Variants in HAS3 observed in about 807,000 individuals in gnomAD.
HAS3 encodes the protein HA synthase 3.
Under a neutral mutation model 50.3 loss-of-function variants are expected in HAS3, and 27 were observed. The ratio of observed to expected loss-of-function variants is 0.54; its 90% CI spans 0.40 to 0.74. The LOEUF (loss-of-function observed/expected upper bound fraction) is 0.74, where lower values mean the gene tolerates loss of function less well. Among genes scored for constraint, HAS3 ranks in the 30% least tolerant of loss-of-function variants. The probability of loss-of-function intolerance (pLI) is 0.00; values close to 1 mark genes in which losing one functional copy is unlikely to be tolerated. For missense variants in HAS3, 517 were observed against 742.8 expected (o/e 0.70, Z 3.53); for synonymous variants, 339 against 310.9 (o/e 1.09, Z -0.95).
the HAS3 span, among the ~76,000 whole-genome samples, chr16:69,088,582 C>CAAGAA: frequency 6.9e-6 from 1 of 144,178 alleles, no homozygotes; most frequent in Non-Finnish European, 1.5e-5. Context: ...AAAGAAAAGA[C>CAAGAA]AAGAAAAAAA....
At chr16:69,111,635 G>A (rs1285090069) in intron 2 of HAS3, among the ~76,000 whole-genome samples, 1 of 152,204 alleles carries the variant, frequency 6.6e-6, no homozygotes, top group African/African-American at 2.4e-5. Context: ...CTCTGCATGA[G>A]GGTTGATATG....
At chr16:69,097,891 C>T in the HAS3 span, among the ~76,000 whole-genome samples, 2 of 152,134 alleles carry the variant, frequency 1.3e-5, no homozygotes, top group Admixed American at 6.5e-5. Context: ...CTGCAGACTC[C>T]GCCTTTCCCT....
chr16:69,109,564 C>G lies in HAS3; in HGVS notation c.169C>G (p.Leu57Val). The change falls in exon 2 of 4, where the codon CTC (leucine) becomes GTC (valine). Residue 57 changes from leucine to valine, a missense_variant. Coordinates refer to ENST00000569188, the MANE Select transcript of HAS3 (RefSeq NM_001199280.2). The surrounding 1 kb of genome is among the most constrained non-coding windows in gnomAD (Gnocchi z 5.3). ...CGGCGCCATCCTGGGCCTGCACCTG[C>G]TCATTCAGAGCCTTTTTGCCTTCCT... ...LYGAILGLHL[L>V]IQSLFAFLEH... The G allele has an allele frequency of 6.2e-7, 1 of 1,613,796 alleles. No homozygotes were observed. The highest frequency in any genetic ancestry group is 8.5e-7 in the Non-Finnish European group (1 of 1,180,032).
At position 69,115,004 on chromosome 16, in the gene HAS3, G is replaced by A. The variant is rs760260774; in HGVS notation, c.1400G>A (p.Gly467Asp). Residue 467 changes from glycine (G) to aspartate (D), a missense_variant, in exon 4 of 4, where the codon GGC becomes GAC. Physicochemically the swap from Gly to Asp is moderately conservative, Grantham distance 94. Coordinates refer to ENST00000569188, the MANE Select transcript of HAS3 (RefSeq NM_001199280.2). ...GCTACCATCAACAAATCTGGCTGGG[G>A]CACCTCTGGCCGAAAAACCATTGTG... ...AIATINKSGW[G>D]TSGRKTIVVN... 6.2e-7 allele frequency: 1 copy of A among 1,614,120 alleles called. No homozygotes were observed. Among genetic ancestry groups the A allele is most frequent in the South Asian group, 1.1e-5 (1 of 91,080 alleles).
Position 69,116,432 on chromosome 16 carries a change from C to A in HAS3, c.*1166C>A. On this transcript the variant is annotated 3_prime_UTR_variant, in exon 4 of 4. Coordinates refer to ENST00000569188, the MANE Select transcript of HAS3 (RefSeq NM_001199280.2). Reference sequence around the variant, plus strand: ...TTGGCAGCCGGGTTAGCATGTGTGACTTTCAGGCTACTGTTCTTGACAATC... The same window carrying A: ...TTGGCAGCCGGGTTAGCATGTGTGAATTTCAGGCTACTGTTCTTGACAATC... 6.1e-6 allele frequency: 6 copies of A among 985,870 alleles called. No individual in the cohort carries two copies. The highest frequency in any genetic ancestry group is 7.2e-6 in the Non-Finnish European group (6 of 829,902). The allele number at this position is 985,870 out of a possible 1,614,324, so 61.1% of individuals were successfully genotyped here. A position where few individuals can be genotyped will look rare whatever the true frequency, so the allele number is the denominator to read the frequency against.
chr16:69,092,414 C>G, the HAS3 span, among the ~76,000 whole-genome samples: 1 of 151,836 alleles, frequency 6.6e-6, no homozygotes, highest in Non-Finnish European at 1.5e-5. Flanking sequence ...ACCAGCCTGG[C>G]CAACATAGTG....
chr16:69,107,509 G>C lies in HAS3; in HGVS notation c.-1+1722G>C. The C allele has an allele frequency of 2.0e-6, 2 of 984,576 alleles. No homozygotes were observed. Among genetic ancestry groups the C allele is most frequent in the African/African-American group, 3.5e-5 (2 of 57,368 alleles). 61.0% of individuals were successfully genotyped at this position (984,576 alleles called of 1,614,324 possible). ...TGGCCGGCGCCGCCTTTGCCAAGAGGCGAGGCTCGAGCGGGGATGAGAAGC... is the reference window on the plus strand; with the variant it reads ...TGGCCGGCGCCGCCTTTGCCAAGAGCCGAGGCTCGAGCGGGGATGAGAAGC... On this transcript the variant is annotated intron_variant, in intron 1 of 3. Transcript: ENST00000569188. The surrounding 1 kb of genome is among the most constrained non-coding windows in gnomAD (Gnocchi z 5.5).
chr16:69,105,774 G>A lies in HAS3; in HGVS notation c.-14G>A, dbSNP rs1246649728. 1 of 152,258 alleles carries A rather than the reference G, an allele frequency of 6.6e-6. No individual in the cohort carries two copies. Among genetic ancestry groups the A allele is most frequent in the Non-Finnish European group, 1.5e-5 (1 of 68,058 alleles). The allele number at this position is 152,258 out of a possible 1,614,324, so 9.4% of individuals were successfully genotyped here. On this transcript the variant is annotated 5_prime_UTR_variant, in exon 1 of 4. Transcript: ENST00000569188. ...AGTCGGGGAAGAGTGCTCTCAGCTC[G>A]CCTTCCTTGCAGGGTGAGTAGGTTT...
At position 69,109,650 on chromosome 16, in the gene HAS3, C is replaced by A. The variant is rs755483356; in HGVS notation, c.255C>A (p.Gly85=). The change falls in exon 2 of 4, where the codon GGC becomes GGA. Residue 85 remains glycine (G), a synonymous_variant. Coordinates refer to ENST00000569188, the MANE Select transcript of HAS3 (RefSeq NM_001199280.2). This position sits in a 1 kb window ranked among gnomAD's most constrained non-coding sequence, Gnocchi z 5.3. The part of the protein sequence containing the change: ...QALKLPSPRR[G]SVALCIAAYQ... The stretch of plus-strand genomic sequence containing the variant: ...TGAAGCTGCCCTCCCCGCGGCGGGG[C>A]TCGGTGGCACTGTGCATTGCCGCAT... The A allele has an allele frequency of 8.1e-6, 13 of 1,609,836 alleles. No homozygotes were observed. Among genetic ancestry groups the A allele is most frequent in the East Asian group, 6.7e-5 (3 of 44,886 alleles).
At chr16:69,110,928 C>G (rs1456905627) in intron 2 of HAS3, among the ~76,000 whole-genome samples, 1 of 152,148 alleles carries the variant, frequency 6.6e-6, no homozygotes, top group East Asian at 1.9e-4. Context: ...CGGTGAGAGA[C>G]ACAGGTGCGA....
chr16:69,102,259 G>A (rs1310862380), upstream of HAS3, among the ~76,000 whole-genome samples: 1 of 152,116 alleles, frequency 6.6e-6, no homozygotes, highest in Non-Finnish European at 1.5e-5. Flanking sequence ...AGCCAAATAG[G>A]AAGGCTTATT....
chr16:69,108,734 C>T (rs1960894400), intron 1 of HAS3, among the ~76,000 whole-genome samples: 1 of 152,202 alleles, frequency 6.6e-6, no homozygotes, highest in Non-Finnish European at 1.5e-5. Flanking sequence ...TTCTTTCCTG[C>T]CTCTCAAGTA....
chr16:69,118,676 C>CAAAT (rs1183660072), downstream of HAS3: 1 of 675,724 alleles, frequency 1.5e-6, no homozygotes, highest in Non-Finnish European at 2.7e-6. Flanking sequence ...TCACATGCCA[C>CAAAT]AAATAACATC....
intron 1 of HAS3, among the ~76,000 whole-genome samples, chr16:69,108,838 C>A (rs1246600776): frequency 6.6e-6 from 1 of 152,202 alleles, no homozygotes; most frequent in Non-Finnish European, 1.5e-5. Flanking sequence ...CCTTTGTTTG[C>A]TGTTTCTTTT....
the HAS3 span, among the ~76,000 whole-genome samples, chr16:69,098,769 G>A: frequency 4.6e-3 from 661 of 142,214 alleles, 24 homozygotes; most frequent in South Asian, 0.091. Context: ...AGGTTCAAGC[G>A]ATTCTCCTGC....
the HAS3 span, chr16:69,083,594 A>G: frequency 6.3e-7 from 1 of 1,594,896 alleles, no homozygotes; most frequent in East Asian, 2.3e-5. Context: ...GAAGAGCTGG[A>G]TGACATCATG....
chr16:69,115,460 C>T lies in HAS3; in HGVS notation c.*194C>T, dbSNP rs1383835400. ...TCTGTTTAGAGGAGGCAACACTGATCCCCCAGATGCAGGGCTGCAGGGGAT... is the reference window on the plus strand; with the variant it reads ...TCTGTTTAGAGGAGGCAACACTGATTCCCCAGATGCAGGGCTGCAGGGGAT... On this transcript the variant is annotated 3_prime_UTR_variant, in exon 4 of 4. Coordinates refer to ENST00000569188, the MANE Select transcript of HAS3 (RefSeq NM_001199280.2). 3.9e-6 allele frequency: 5 copies of T among 1,283,990 alleles called. No individual in the cohort carries two copies. Among genetic ancestry groups the T allele is most frequent in the Non-Finnish European group, 4.9e-6 (5 of 1,019,212 alleles). The allele number at this position is 1,283,990 out of a possible 1,614,324, so 79.5% of individuals were successfully genotyped here. A position where few individuals can be genotyped will look rare whatever the true frequency, so the allele number is the denominator to read the frequency against.
chr16:69,085,898 G>T, the HAS3 span, among the ~76,000 whole-genome samples: 33 of 151,698 alleles, frequency 2.2e-4, no homozygotes, highest in Non-Finnish European at 3.5e-4. Context: ...AGACAGTTTT[G>T]CTCTGTTGCC....
chr16:69,099,196 C>T, the HAS3 span, among the ~76,000 whole-genome samples: 3 of 151,612 alleles, frequency 2.0e-5, no homozygotes, highest in African/African-American at 4.9e-5. Context: ...TGGTCTCGAT[C>T]TCCTGACCTT....
Sources: allele counts gnomAD v4.1 joint callset (sites outside exome capture counted in the v4.1 genomes callset), GRCh38; gene constraint gnomAD v4.1.1; non-coding constraint Gnocchi (gnomAD v3.1); transcripts MANE v1.5; gene names NCBI Gene and HGNC (gene_info 2026-07-23, HGNC 2026-07-21).